The following PPP2R2C variants were observed in gnomAD, a reference collection of about 807,000 sequenced individuals.
PPP2R2C encodes protein phosphatase 2, regulatory subunit B, gamma.
In PPP2R2C, 10 loss-of-function variants were observed where a neutral mutation model predicts 45.3. The ratio of observed to expected loss-of-function variants is 0.22; its 90% CI spans 0.14 to 0.37. The LOEUF is 0.37. PPP2R2C is among the 10% of genes least tolerant of loss of function. The pLI is 1.00. For missense variants in PPP2R2C, 308 were observed against 619.7 expected (o/e 0.50, Z 5.34); for synonymous variants, 257 against 245.4 (o/e 1.05, Z -0.44).
rs1001067296 is a variant in PPP2R2C at position 6,329,680 on chromosome 4, G to A, written c.961-327C>T. 6.7e-6 allele frequency among the ~76,000 whole-genome samples: 1 copy of A among 149,150 alleles called. No individual in the cohort carries two copies. Among genetic ancestry groups the A allele is most frequent in the Admixed American group, 6.6e-5 (1 of 15,090 alleles). ...CCAATACAGCCCTGCTCATCTTATCGGGGGCCCACGACCAGGCACACGGCT... is the reference window on the plus strand; with the variant it reads ...CCAATACAGCCCTGCTCATCTTATCAGGGGCCCACGACCAGGCACACGGCT... On this transcript the variant is annotated intron_variant, in intron 7 of 8. Transcript: ENST00000382599. This position sits in a 1 kb window ranked among gnomAD's most constrained non-coding sequence, Gnocchi z 5.8.
At chr4:6,546,449 G>C (rs74537443) in intron 1 of PPP2R2C, among the ~76,000 whole-genome samples, 12,514 of 152,170 alleles carry the variant, frequency 0.082, 570 homozygotes, top group South Asian at 0.22. Flanking sequence ...CTTCTTAAAG[G>C]AGCTGTGGTT....
intron 2 of PPP2R2C, among the ~76,000 whole-genome samples, chr4:6,379,511 G>A (rs773822657): frequency 3.3e-5 from 5 of 152,182 alleles, no homozygotes; most frequent in South Asian, 2.1e-4. Flanking sequence ...ATGAGCACTC[G>A]CTATGACAAA....
rs764576293 is a variant in PPP2R2C, at chr4:6,341,079, C to A, written c.790+6767G>T. 2.0e-5 allele frequency among the ~76,000 whole-genome samples: 3 copies of A among 152,350 alleles called. No homozygotes were observed. In the South Asian group the frequency reaches 6.2e-4, roughly 32 times the overall value. On this transcript the variant is annotated intron_variant, in intron 6 of 8. Transcript: ENST00000382599. ...CACTCAGGTGGGGGGCGGTGGCTCA[C>A]GCCTGTAATCCCAGCACTTTGGGAG...
rs1732292840 is a variant in PPP2R2C at position 6,330,167 on chromosome 4, C to G, written c.961-814G>C. ...ATCCACCTGACTGCAGCCGGTCCTA[C>G]AAGCCCTGTACCCGGAGGGCCGCAT... On this transcript the variant is annotated intron_variant, in intron 7 of 8. Coordinates refer to ENST00000382599, the MANE Select transcript of PPP2R2C (RefSeq NM_020416.4). This position sits in a 1 kb window ranked among gnomAD's most constrained non-coding sequence, Gnocchi z 7.0. Among the ~76,000 whole-genome samples the G allele has an allele frequency of 6.6e-6, 1 of 152,190 alleles. No individual in the cohort carries two copies. The highest frequency in any genetic ancestry group is 6.5e-5 in the Admixed American group (1 of 15,288).
At chr4:6,406,500 C>T (rs1188016143) in intron 1 of PPP2R2C, among the ~76,000 whole-genome samples, 1 of 152,140 alleles carries the variant, frequency 6.6e-6, no homozygotes, top group Non-Finnish European at 1.5e-5. Flanking sequence ...GAGCCCAATG[C>T]GGGTAGATCG....
At chr4:6,465,040 C>T (rs1721523603) in intron 1 of PPP2R2C, among the ~76,000 whole-genome samples, 1 of 152,148 alleles carries the variant, frequency 6.6e-6, no homozygotes, top group Admixed American at 6.5e-5. Flanking sequence ...TGATGGTTGT[C>T]AATACGTGTA....
chr4:6,381,707 C>A, intron 1 of PPP2R2C: 2 of 1,565,564 alleles, frequency 1.3e-6, no homozygotes. Context: ...CCTGACCCTC[C>A]CTGCACTTCA....
At chr4:6,442,949 A>C (rs1181808956) in intron 1 of PPP2R2C, among the ~76,000 whole-genome samples, 2 of 152,230 alleles carry the variant, frequency 1.3e-5, no homozygotes, top group African/African-American at 4.8e-5. Context: ...CCCCCATCAC[A>C]GCTAAGGAGA....
intron 5 of PPP2R2C, among the ~76,000 whole-genome samples, chr4:6,358,040 G>A (rs961796391): frequency 2.8e-4 from 42 of 152,152 alleles, no homozygotes; most frequent in Admixed American, 2.7e-3. Flanking sequence ...ACAATCCTAA[G>A]CAAAAGAACA....
At chr4:6,401,169 G>T (rs927216189) in intron 1 of PPP2R2C, among the ~76,000 whole-genome samples, 5 of 152,168 alleles carry the variant, frequency 3.3e-5, no homozygotes, top group African/African-American at 1.2e-4. Flanking sequence ...TCTTGGAAAT[G>T]TTAGTACTCC....
rs1241364181 is a variant in PPP2R2C, at chr4:6,336,606, ATGAG to A, written c.791-2879_791-2876del. ...CTGTACAGAGTGAGCCCAGTGCACG[ATGAG>A]TGCTGCAGCCCTACTGACTTACTTC... On this transcript the variant is annotated intron_variant, in intron 6 of 8. Coordinates refer to ENST00000382599, the MANE Select transcript of PPP2R2C (RefSeq NM_020416.4). Among the ~76,000 whole-genome samples the A allele has an allele frequency of 4.5e-3, 5 of 1,116 alleles. 2 individuals are homozygous for A. Among genetic ancestry groups the A allele is most frequent in the South Asian group, 0.019 (2 of 106 alleles). 0.7% of individuals were successfully genotyped at this position (1,116 alleles called of 152,430 possible).
intron 1 of PPP2R2C, chr4:6,384,397 G>A: frequency 1.0e-6 from 1 of 985,228 alleles, no homozygotes. Flanking sequence ...GTGAACGGAG[G>A]TAGCTTTAGG....
At chr4:6,454,451 G>A (rs7378300) in intron 1 of PPP2R2C, among the ~76,000 whole-genome samples, 149,840 of 152,250 alleles carry the variant, frequency 0.98, 73,781 homozygotes, top group Middle Eastern at 1. Flanking sequence ...AGCTGCCATC[G>A]AAGGAGTCCA....
chr4:6,357,267 A>G (rs1713292322), intron 5 of PPP2R2C, among the ~76,000 whole-genome samples: 1 of 152,266 alleles, frequency 6.6e-6, no homozygotes. Flanking sequence ...AGGGGCTGTC[A>G]GGTCCCTGGA....
At chr4:6,493,940 G>A (rs1231789144) in intron 2 of PPP2R2C, among the ~76,000 whole-genome samples, 3 of 152,234 alleles carry the variant, frequency 2.0e-5, no homozygotes, top group Non-Finnish European at 4.4e-5. Context: ...CTTCCTGGCT[G>A]TTAGATGCGT....
chr4:6,365,318 T>C (rs990688986), intron 5 of PPP2R2C, among the ~76,000 whole-genome samples: 1 of 152,156 alleles, frequency 6.6e-6, no homozygotes, highest in Non-Finnish European at 1.5e-5. Flanking sequence ...GAACAGAGCA[T>C]TTCTGAGCAG....
chr4:6,353,950 C>T lies in PPP2R2C; in HGVS notation c.626-5940G>A, dbSNP rs577306008. 2.1e-4 allele frequency among the ~76,000 whole-genome samples: 13 copies of T among 62,884 alleles called. No individual in the cohort carries two copies. The East Asian group carries it at 6.0e-3, about 29-fold the overall frequency. The allele number at this position is 62,884 out of a possible 152,430, so 41.3% of individuals were successfully genotyped here. A position where few individuals can be genotyped will look rare whatever the true frequency, so the allele number is the denominator to read the frequency against. ...CACCGACAGCCCCCCACACCAACAG[C>T]CCCCACACCGCTCCTTCTCTAGAAC... On this transcript the variant is annotated intron_variant, in intron 5 of 8. Coordinates refer to ENST00000382599, the MANE Select transcript of PPP2R2C (RefSeq NM_020416.4).
At chr4:6,452,315 G>C (rs2108747559) in intron 1 of PPP2R2C, among the ~76,000 whole-genome samples, 1 of 152,286 alleles carries the variant, frequency 6.6e-6, no homozygotes, top group South Asian at 2.1e-4. Flanking sequence ...TCAGGACACA[G>C]CTGGATTTTC....
intron 1 of PPP2R2C, among the ~76,000 whole-genome samples, chr4:6,402,532 C>A (rs1717485532): frequency 1.3e-5 from 2 of 152,158 alleles, no homozygotes; most frequent in South Asian, 4.1e-4. Context: ...CTTCCTCCCA[C>A]CCTCACGCCC....
Sources: allele counts gnomAD v4.1 joint callset (sites outside exome capture counted in the v4.1 genomes callset), GRCh38; gene constraint gnomAD v4.1.1; non-coding constraint Gnocchi (gnomAD v3.1); transcripts MANE v1.5; gene names NCBI Gene and HGNC (gene_info 2026-07-23, HGNC 2026-07-21).